The following GRIN3A variants were observed in gnomAD, a reference collection of about 807,000 sequenced individuals.
The protein encoded by GRIN3A is glutamate ionotropic receptor NMDA type subunit 3A, also known as glutamate receptor ionotropic, NMDA 3A.
GRIN3A carries 47 observed loss-of-function variants against 92.4 expected under a neutral mutation model. The observed-to-expected ratio is 0.51, with a 90% CI of 0.40 to 0.65. The LOEUF (loss-of-function observed/expected upper bound fraction) is 0.65. Ranked by LOEUF, GRIN3A falls within the 30% of genes least tolerant of loss-of-function variation. GRIN3A has a pLI of 0.00. For missense variants in GRIN3A, 1,324 were observed against 1,393.1 expected, an observed-to-expected ratio of 0.95 and a Z score of 0.79; for synonymous variants, 527 against 540.6, an observed-to-expected ratio of 0.97 and a Z score of 0.35.
intron 5 of GRIN3A, among the ~76,000 whole-genome samples, chr9:101,614,975 G>A: frequency 6.6e-6 from 1 of 151,922 alleles, no homozygotes; most frequent in South Asian, 2.1e-4. Context: ...AAAGGGTGGT[G>A]GTAATGCAGG....
At chr9:101,615,873 C>T (rs1263557045) in intron 5 of GRIN3A, among the ~76,000 whole-genome samples, 2 of 152,116 alleles carry the variant, frequency 1.3e-5, no homozygotes, top group Admixed American at 1.3e-4. Context: ...ATTCGGCAAA[C>T]CTGGCTAATT....
chr9:101,712,442 G>A (rs1202647967), intron 1 of GRIN3A, among the ~76,000 whole-genome samples: 1 of 152,138 alleles, frequency 6.6e-6, no homozygotes, highest in Non-Finnish European at 1.5e-5. Context: ...CAAAGTTACA[G>A]AACTAAGTGG....
Position 101,623,298 on chromosome 9 carries a change from C to T in GRIN3A, c.2614+20G>A. 6.6e-7 allele frequency: 1 copy of T among 1,524,510 alleles called. No homozygotes were observed. 94.4% of individuals were successfully genotyped at this position (1,524,510 alleles called of 1,614,324 possible). A position where few individuals can be genotyped will look rare whatever the true frequency, so the allele number is the denominator to read the frequency against. Reference sequence around the variant, plus strand: ...GAGCACATCCTGAGTAAAAGTGAATCAAGAGTGACTGATTAATACCTTCTA... The same window carrying T: ...GAGCACATCCTGAGTAAAAGTGAATTAAGAGTGACTGATTAATACCTTCTA... On this transcript the variant is annotated intron_variant, in intron 5 of 8. Transcript: ENST00000361820.
intron 1 of GRIN3A, among the ~76,000 whole-genome samples, chr9:101,692,276 C>T (rs1207747690): frequency 6.6e-6 from 1 of 152,152 alleles, no homozygotes; most frequent in Non-Finnish European, 1.5e-5. Flanking sequence ...GTCCTCCCCA[C>T]ACCCCCAACT....
At chr9:101,724,660 C>G (rs938221265) in intron 1 of GRIN3A, among the ~76,000 whole-genome samples, 1 of 152,194 alleles carries the variant, frequency 6.6e-6, no homozygotes, top group Admixed American at 6.5e-5. Flanking sequence ...GGACTGCCAG[C>G]ACGCTGTCAC....
At chr9:101,625,205 T>C (rs929945126) in intron 4 of GRIN3A, among the ~76,000 whole-genome samples, 1 of 151,816 alleles carries the variant, frequency 6.6e-6, no homozygotes, top group Non-Finnish European at 1.5e-5. Flanking sequence ...TATTTATTAA[T>C]TTGAAAAAAA....
At chr9:101,669,876 G>A (rs1323436) in intron 3 of GRIN3A, among the ~76,000 whole-genome samples, 184 bp downstream of exon 3, 50,893 of 151,890 alleles carry the variant, frequency 0.34, 9,440 homozygotes, top group Non-Finnish European at 0.42. Flanking sequence ...TTTTTGTTTC[G>A]TTTATGAAAC....
In GRIN3A at chr9:101,732,696, T is replaced by G. The variant is rs1830154921; in HGVS notation, c.699+4585A>C. On this transcript the variant is annotated intron_variant, in intron 1 of 8. Coordinates refer to ENST00000361820, the MANE Select transcript of GRIN3A (RefSeq NM_133445.3). ...TGATTAGTAATTTCGAAAAGAAAAT[T>G]AGTTGAACTTTAACACTTAAGTGAT... 2.0e-5 allele frequency among the ~76,000 whole-genome samples: 3 copies of G among 152,188 alleles called. No homozygotes were observed. In the South Asian group the frequency reaches 6.2e-4, roughly 32 times the overall value.
intron 1 of GRIN3A, among the ~76,000 whole-genome samples, chr9:101,699,715 C>G (rs1210353987): frequency 6.6e-6 from 1 of 152,142 alleles, no homozygotes; most frequent in African/African-American, 2.4e-5. Context: ...TGTTATATAT[C>G]CCCATGTATT....
At chr9:101,733,382 C>G (rs1830163684) in intron 1 of GRIN3A, among the ~76,000 whole-genome samples, 1 of 152,228 alleles carries the variant, frequency 6.6e-6, no homozygotes, top group Admixed American at 6.5e-5. Flanking sequence ...TGCCAGGTCT[C>G]TGTTCTTCAA....
rs1425884353 is a variant in GRIN3A, at chr9:101,659,854, A to G, written c.2352+10206T>C. Among the ~76,000 whole-genome samples, 4 of 151,906 alleles carry G rather than the reference A, an allele frequency of 2.6e-5. No homozygotes were observed. The East Asian group carries it at 5.8e-4, about 22-fold the overall frequency. ...AGTAATACAACTGCAGTTATTTTAA[A>G]AGTTCTGTAAAGATGCCACCTCAAA... is the stretch of plus-strand genomic sequence containing the variant. On this transcript the variant is annotated intron_variant, in intron 3 of 8. Coordinates refer to ENST00000361820, the MANE Select transcript of GRIN3A (RefSeq NM_133445.3).
intron 1 of GRIN3A, among the ~76,000 whole-genome samples, chr9:101,696,488 G>T (rs1248969780): frequency 6.6e-6 from 1 of 152,082 alleles, no homozygotes; most frequent in Non-Finnish European, 1.5e-5. Flanking sequence ...TTGGAATAAA[G>T]ATGTTGCTCT....
chr9:101,632,389 G>A (rs1828727044), intron 3 of GRIN3A, among the ~76,000 whole-genome samples: 1 of 152,130 alleles, frequency 6.6e-6, no homozygotes, highest in Non-Finnish European at 1.5e-5. Context: ...GTGGTTGTAA[G>A]TCTTCAACAA....
intron 3 of GRIN3A, among the ~76,000 whole-genome samples, chr9:101,634,050 C>T (rs1306480416): frequency 6.6e-6 from 1 of 152,010 alleles, no homozygotes; most frequent in East Asian, 1.9e-4. Context: ...ATTACTCCTC[C>T]TGGCCGGGCA....
chr9:101,653,833 A>G (rs894809202), intron 3 of GRIN3A, among the ~76,000 whole-genome samples: 1 of 151,842 alleles, frequency 6.6e-6, no homozygotes, highest in Admixed American at 6.6e-5. Context: ...CTAAAACTCT[A>G]TTGTATGTGT....
intron 6 of GRIN3A, among the ~76,000 whole-genome samples, chr9:101,590,501 C>T (rs1461103372): frequency 6.6e-6 from 1 of 152,030 alleles, no homozygotes; most frequent in Non-Finnish European, 1.5e-5. Context: ...CCTGCCTCAG[C>T]CTTCCGAGTA....
chr9:101,654,740 C>T lies in GRIN3A; in HGVS notation c.2352+15320G>A, dbSNP rs574497201. 1.4e-4 allele frequency among the ~76,000 whole-genome samples: 22 copies of T among 151,874 alleles called. No homozygotes were observed. In the South Asian group the frequency reaches 4.1e-3, roughly 29 times the overall value. ...CAAGGAGGCTTTCTCTGACTGTGTT[C>T]CTCACATCAAGCCCAGTTTGCCAGG... On this transcript the variant is annotated intron_variant, in intron 3 of 8. Coordinates refer to ENST00000361820, the MANE Select transcript of GRIN3A (RefSeq NM_133445.3).
chr9:101,623,651 A>G (rs900571858), intron 4 of GRIN3A, among the ~76,000 whole-genome samples: 1 of 152,188 alleles, frequency 6.6e-6, no homozygotes, highest in African/African-American at 2.4e-5. Flanking sequence ...CATCTTTCCA[A>G]TGAGTTTATC....
rs377355290 is a variant in GRIN3A at position 101,670,905 on chromosome 9, G to A, written c.1507C>T (p.His503Tyr). ...CTTGGATGTTGGAAGTGGGTTTTGT[G>A]TCTCTGGGCCTGCTCTGGCCATATT... ...YGIWPEQAQR[H>Y]KTHFQHPSKL... Residue 503 changes from histidine (H) to tyrosine (Y), a missense_variant, in exon 3 of 9, where the codon CAC becomes TAC. By Grantham distance (83) the His-to-Tyr change is moderately conservative. Transcript: ENST00000361820. The A allele has an allele frequency of 1.2e-6, 2 of 1,612,276 alleles. No individual in the cohort carries two copies. The highest frequency in any genetic ancestry group is 1.3e-5 in the African/African-American group (1 of 74,940).
Sources: allele counts gnomAD v4.1 joint callset (sites outside exome capture counted in the v4.1 genomes callset), GRCh38; gene constraint gnomAD v4.1.1; transcripts MANE v1.5; gene names NCBI Gene and HGNC (gene_info 2026-07-23, HGNC 2026-07-21).